JMJD1C: variants seen among roughly 807,000 people sequenced by gnomAD.
The protein encoded by JMJD1C is jumonji domain containing 1C, also known as jumonji domain-containing protein 1C.
Under a neutral mutation model 245.3 loss-of-function variants are expected in JMJD1C, and 31 were observed. That is an observed-to-expected ratio of 0.13 (90% CI 0.09 to 0.17). The LOEUF (loss-of-function observed/expected upper bound fraction) is 0.17, where lower values mean the gene tolerates loss of function less well. JMJD1C is among the 10% of genes least tolerant of loss of function. The pLI is 1.00. For missense variants in JMJD1C, 2,691 were observed against 3,000.2 expected (o/e 0.90, Z 2.41); for synonymous variants, 1,057 against 1,017.4 (o/e 1.04, Z -0.74).
intron 2 of JMJD1C, chr10:63,268,754 TG>T: frequency 1.0e-6 from 1 of 985,418 alleles, no homozygotes; most frequent in Non-Finnish European, 1.2e-6. Context: ...ATTTCTATTT[TG>T]TTCTGGAAGA....
rs183104412 is a variant in JMJD1C at position 63,268,750 on chromosome 10, A to G, written c.334-3986T>C. The G allele has an allele frequency of 4.5e-4, 447 of 985,374 alleles. 2 individuals carry two copies. The African/African-American group carries it at 7.4e-3, about 16-fold the overall frequency. The allele number at this position is 985,374 out of a possible 1,614,324, so 61.0% of individuals were successfully genotyped here. On this transcript the variant is annotated intron_variant, in intron 2 of 25. Coordinates refer to ENST00000399262, the MANE Select transcript of JMJD1C (RefSeq NM_032776.3). ...TCAGTAAGTATTTGCTGAAATTTCT[A>G]TTTTGTTCTGGAAGAGTATCTAGTG... is the stretch of plus-strand genomic sequence containing the variant.
chr10:63,426,419 C>T (rs150252742), intron 1 of JMJD1C, among the ~76,000 whole-genome samples: 3 of 151,782 alleles, frequency 2.0e-5, no homozygotes, highest in Non-Finnish European at 4.4e-5. Flanking sequence ...TATAAAAAGA[C>T]AATGACACTT....
intron 2 of JMJD1C, among the ~76,000 whole-genome samples, chr10:63,376,274 TAAAATC>T (rs1946735665): frequency 6.6e-6 from 1 of 152,142 alleles, no homozygotes; most frequent in South Asian, 2.1e-4. Context: ...ATTCCAAACT[TAAAATC>T]AATTAATTCA....
Position 63,418,198 on chromosome 10 carries a change from A to C in JMJD1C, c.169-37716T>G, listed in dbSNP as rs149279297. On this transcript the variant is annotated intron_variant, in intron 1 of 25. Coordinates refer to ENST00000399262, the MANE Select transcript of JMJD1C (RefSeq NM_032776.3). ...GCCATACTACTATAGTTTCTCATTC[A>C]GAAGATCTGAGGCAGGATCAGATAA... 1.5e-3 allele frequency among the ~76,000 whole-genome samples: 235 copies of C among 152,308 alleles called. 1 individual carries two copies. The Middle Eastern group carries it at 0.017, about 11-fold the overall frequency.
chr10:63,208,822 T>A lies in JMJD1C; in HGVS notation c.2868-21A>T, dbSNP rs144519928. 1.1e-4 allele frequency: 173 copies of A among 1,538,194 alleles called. No individual in the cohort carries two copies. The African/African-American group carries it at 2.2e-3, about 19-fold the overall frequency. ...ATTCTCTGTAAAGAAAATACACAAA[T>A]ATTTCTGTAACCACTTTTTCCTGCA... On this transcript the variant is annotated intron_variant, in intron 9 of 25. Transcript: ENST00000399262.
In JMJD1C at chr10:63,215,710, C is replaced by A. The variant is rs765021246; in HGVS notation, c.679-14G>T. The A allele has an allele frequency of 2.0e-6, 3 of 1,507,192 alleles. No individual in the cohort carries two copies. Among genetic ancestry groups the A allele is most frequent in the South Asian group, 1.3e-5 (1 of 76,606 alleles). 93.4% of individuals were successfully genotyped at this position (1,507,192 alleles called of 1,614,324 possible). A position where few individuals can be genotyped will look rare whatever the true frequency, so the allele number is the denominator to read the frequency against. On this transcript the variant is annotated splice_polypyrimidine_tract_variant and intron_variant, in intron 5 of 25. Coordinates refer to ENST00000399262, the MANE Select transcript of JMJD1C (RefSeq NM_032776.3). Reference sequence around the variant, plus strand: ...TGGTTCTAGTACCTAATCCATGATACAAAACAAAAACAAAAATTAAATAGA... The same window carrying A: ...TGGTTCTAGTACCTAATCCATGATAAAAAACAAAAACAAAAATTAAATAGA...
chr10:63,393,096 G>A (rs549754694), intron 1 of JMJD1C, among the ~76,000 whole-genome samples: 81 of 152,068 alleles, frequency 5.3e-4, no homozygotes, highest in Non-Finnish European at 9.9e-4. Flanking sequence ...GTGAAACCCC[G>A]TCTCTACAAA....
chr10:63,167,914 A>C lies in JMJD1C; in HGVS notation c.*131T>G. On this transcript the variant is annotated 3_prime_UTR_variant, in exon 26 of 26. Coordinates refer to ENST00000399262, the MANE Select transcript of JMJD1C (RefSeq NM_032776.3). ...CTATACTGCTGTGGTGTCAGTAACA[A>C]GTAATTACTACAAAGAGAATTTCTT... The C allele has an allele frequency of 3.2e-6, 2 of 632,560 alleles. No individual in the cohort carries two copies. The highest frequency in any genetic ancestry group is 3.8e-5 in the South Asian group (2 of 52,568). 39.2% of individuals were successfully genotyped at this position (632,560 alleles called of 1,614,324 possible). A position where few individuals can be genotyped will look rare whatever the true frequency, so the allele number is the denominator to read the frequency against.
In JMJD1C at chr10:63,192,985, T is replaced by C; in HGVS notation, c.6029A>G (p.His2010Arg). ...LTPPESQSPL[H>R]WLADLAEQKA... ...TTGCTCTGCAAGATCTGCTAACCAG[T>C]GCAGTGGTGACTGGGATTCTGGAGG... Residue 2010 changes from histidine to arginine, a missense_variant, in exon 16 of 26, where the codon CAC becomes CGC. His to Arg is a conservative substitution (Grantham distance 29). Transcript: ENST00000399262. 2.5e-6 allele frequency: 4 copies of C among 1,614,148 alleles called. No homozygotes were observed. The highest frequency in any genetic ancestry group is 3.4e-6 in the Non-Finnish European group (4 of 1,180,016).
intron 1 of JMJD1C, among the ~76,000 whole-genome samples, chr10:63,454,266 T>TTC (rs1409634278): frequency 2.6e-5 from 4 of 151,444 alleles, no homozygotes; most frequent in Non-Finnish European, 5.9e-5. Context: ...GATTTTTTTT[T>TTC]TTTTTCTTTT....
chr10:63,251,386 C>T (rs1409848646), intron 3 of JMJD1C, among the ~76,000 whole-genome samples: 3 of 152,112 alleles, frequency 2.0e-5, no homozygotes, highest in African/African-American at 7.2e-5. Context: ...CTTTACACAA[C>T]TGACAGATAC....
At position 63,287,256 on chromosome 10, in the gene JMJD1C, G is replaced by A. The variant is rs184734693; in HGVS notation, c.334-22492C>T. The stretch of plus-strand genomic sequence containing the variant: ...AAATATTCATTGGAACATTTAAAGT[G>A]TATTAAGCACTGTCTCAGAGATTTT... On this transcript the variant is annotated intron_variant, in intron 2 of 25. Coordinates refer to ENST00000399262, the MANE Select transcript of JMJD1C (RefSeq NM_032776.3). Among the ~76,000 whole-genome samples the A allele has an allele frequency of 3.3e-5, 5 of 152,342 alleles. No homozygotes were observed. In the East Asian group the frequency reaches 9.6e-4, roughly 29 times the overall value.
intron 1 of JMJD1C, among the ~76,000 whole-genome samples, chr10:63,479,815 C>A (rs1953773912): frequency 6.6e-6 from 1 of 152,064 alleles, no homozygotes; most frequent in Non-Finnish European, 1.5e-5. Context: ...CTTGTTGTCC[C>A]ACTGAGAGTG....
intron 2 of JMJD1C, among the ~76,000 whole-genome samples, chr10:63,372,139 A>G (rs754574584): frequency 1.3e-5 from 2 of 152,222 alleles, no homozygotes; most frequent in Non-Finnish European, 2.9e-5. Context: ...CTTTTGGAAC[A>G]GATAGTAAGT....
intron 2 of JMJD1C, among the ~76,000 whole-genome samples, chr10:63,279,646 G>A (rs1341761679): frequency 1.3e-5 from 2 of 152,168 alleles, no homozygotes; most frequent in East Asian, 1.9e-4. Context: ...GCATGTGGCT[G>A]TAGTCCCAGC....
chr10:63,200,957 C>T (rs7099425), intron 10 of JMJD1C, among the ~76,000 whole-genome samples: 128,470 of 152,200 alleles, frequency 0.84, 54,749 homozygotes, highest in African/African-American at 0.91. Flanking sequence ...CTTTAAATAT[C>T]ATTCATGTAT....
chr10:63,209,093 A>G lies in JMJD1C; in HGVS notation c.2837T>C (p.Leu946Ser), dbSNP rs1318363911. ...ATGATGATCTACTAAAGTTTTTGTC[A>G]ATGGTGGACTGGAATGGGCTGTAAT... is the stretch of plus-strand genomic sequence containing the variant. ...LKITAHSSPP[L>S]TKTLVDHHKE... The change falls in exon 9 of 26, where the codon TTG becomes TCG. Residue 946 changes from leucine (L) to serine (S), a missense_variant. Coordinates refer to ENST00000399262, the MANE Select transcript of JMJD1C (RefSeq NM_032776.3). The G allele has an allele frequency of 1.2e-6, 2 of 1,613,430 alleles. No individual in the cohort carries two copies. Among genetic ancestry groups the G allele is most frequent in the Non-Finnish European group, 1.7e-6 (2 of 1,179,728 alleles).
At chr10:63,352,205 G>A (rs568711125) in intron 2 of JMJD1C, among the ~76,000 whole-genome samples, 1 of 152,190 alleles carries the variant, frequency 6.6e-6, no homozygotes, top group South Asian at 2.1e-4. Flanking sequence ...TTAGAAATAC[G>A]TTTAGAAACA....
chr10:63,422,995 G>A (rs558552982), intron 1 of JMJD1C, among the ~76,000 whole-genome samples: 5 of 144,546 alleles, frequency 3.5e-5, no homozygotes, highest in East Asian at 2.0e-4. Flanking sequence ...CTGAGTTTTC[G>A]CTCTTGTCAC....
Sources: allele counts gnomAD v4.1 joint callset (sites outside exome capture counted in the v4.1 genomes callset), GRCh38; gene constraint gnomAD v4.1.1; transcripts MANE v1.5; gene names NCBI Gene and HGNC (gene_info 2026-07-23, HGNC 2026-07-21).